The following NLRC5 variants were observed in gnomAD, a reference collection of about 807,000 sequenced individuals.
NLRC5 encodes NLR family CARD domain containing 5, also known as protein NLRC5.
Under a neutral mutation model 206.9 loss-of-function variants are expected in NLRC5, and 114 were observed. The ratio of observed to expected loss-of-function variants is 0.55; its 90% CI spans 0.47 to 0.64. The LOEUF is 0.64. Ranked by LOEUF, NLRC5 falls within the 30% of genes least tolerant of loss-of-function variation. NLRC5 has a pLI of 0.00. For synonymous variants in NLRC5, 952 were observed against 962.8 expected, an observed-to-expected ratio of 0.99 and a Z score of 0.21; for missense variants, 2,008 against 2,305.5, an observed-to-expected ratio of 0.87 and a Z score of 2.64.
intron 8 of NLRC5, among the ~76,000 whole-genome samples, chr16:57,029,431 C>G (rs1016772472): frequency 1.3e-5 from 2 of 152,144 alleles, no homozygotes; most frequent in Non-Finnish European, 2.9e-5. Context: ...TACTCATTGC[C>G]TGGGGGGCCT....
chr16:57,071,070 A>C (rs1486402701), intron 38 of NLRC5, among the ~76,000 whole-genome samples: 1 of 51,506 alleles, frequency 1.9e-5, no homozygotes, highest in Non-Finnish European at 3.8e-5. Context: ...GTTAATGGGG[A>C]AGAGTTGTGA....
At chr16:57,009,004 G>GA (rs774174521) in intron 1 of NLRC5, among the ~76,000 whole-genome samples, 9 of 152,198 alleles carry the variant, frequency 5.9e-5, no homozygotes, top group Non-Finnish European at 1.3e-4. Context: ...AAAATTATAA[G>GA]AAAATAGGCC....
chr16:57,053,232 G>C (rs928082076), intron 24 of NLRC5: 2 of 152,270 alleles, frequency 1.3e-5, no homozygotes, highest in African/African-American at 4.8e-5. Flanking sequence ...TCTCTGAGGA[G>C]GGATGCTGAG....
chr16:57,041,407 G>T lies in NLRC5; in HGVS notation c.2940-78G>T, dbSNP rs2063273052. On this transcript the variant is annotated intron_variant, in intron 17 of 48. Coordinates refer to ENST00000688547, the MANE Select transcript of NLRC5 (RefSeq NM_001384950.1). ...TGCAAGCCTCATTCTCTGCCTCTGT[G>T]TCTGGGGGGTGGGAAAGCGGCTCCT... 2.5e-6 allele frequency: 3 copies of T among 1,217,868 alleles called. No homozygotes were observed. The African/African-American group carries it at 4.5e-5, about 18-fold the overall frequency. The allele number at this position is 1,217,868 out of a possible 1,614,324, so 75.4% of individuals were successfully genotyped here.
At chr16:56,996,501 G>T (rs760788967) in intron 1 of NLRC5, among the ~76,000 whole-genome samples, 5 of 151,934 alleles carry the variant, frequency 3.3e-5, no homozygotes, top group Non-Finnish European at 5.9e-5. Flanking sequence ...GTTTCTTTTC[G>T]ATGATACCTT....
intron 3 of NLRC5, among the ~76,000 whole-genome samples, chr16:57,021,352 TTTTG>T (rs1286804494): frequency 6.6e-6 from 1 of 151,578 alleles, no homozygotes; most frequent in Non-Finnish European, 1.5e-5. Context: ...TCTTGTTGGG[TTTTG>T]TTTGTTTGTT....
intron 23 of NLRC5, among the ~76,000 whole-genome samples, chr16:57,049,475 C>T (rs180854425): frequency 2.6e-5 from 4 of 151,668 alleles, no homozygotes; most frequent in Non-Finnish European, 1.5e-5. Flanking sequence ...CGGTGACTCA[C>T]GCCTATAATC....
At chr16:57,013,528 A>G (rs1205251156) in intron 1 of NLRC5, 3 of 836,628 alleles carry the variant, frequency 3.6e-6, no homozygotes, top group South Asian at 2.7e-5. Context: ...TCATCATTAC[A>G]GTACAATTAA....
intron 27 of NLRC5, among the ~76,000 whole-genome samples, chr16:57,057,086 C>G (rs750860243): frequency 4.6e-5 from 7 of 152,280 alleles, no homozygotes; most frequent in Admixed American, 6.5e-5. Context: ...GGAGGAAAAT[C>G]AGATGTTCCG....
At chr16:57,055,150 C>A in intron 26 of NLRC5, 56 bp downstream of exon 26, 2 of 1,583,988 alleles carry the variant, frequency 1.3e-6, no homozygotes, top group South Asian at 1.1e-5. Flanking sequence ...ACCAGTAGAT[C>A]TGCCTCCTGG....
At chr16:57,069,036 G>A (rs528571610) in intron 36 of NLRC5, among the ~76,000 whole-genome samples, 44 of 152,302 alleles carry the variant, frequency 2.9e-4, no homozygotes, top group South Asian at 2.7e-3. Flanking sequence ...CAGAGTCCTC[G>A]GGCTAGTGAT....
intron 1 of NLRC5, among the ~76,000 whole-genome samples, chr16:57,005,461 C>T (rs2058782388): frequency 6.9e-6 from 1 of 145,918 alleles, no homozygotes. Flanking sequence ...GAATTTGAGA[C>T]TAGCTTGGGC....
intron 39 of NLRC5, among the ~76,000 whole-genome samples, chr16:57,074,906 G>A (rs540546707): frequency 2.3e-4 from 34 of 150,732 alleles, no homozygotes; most frequent in African/African-American, 5.4e-4. Context: ...TTAGGCCCAC[G>A]TCGTAGAACA....
chr16:57,069,690 TG>T, intron 36 of NLRC5, 145 bp from the exon 37 acceptor site: 1 of 679,448 alleles, frequency 1.5e-6, no homozygotes, highest in Non-Finnish European at 2.6e-6. Flanking sequence ...GAGTTCATGG[TG>T]GAAGAGATTT....
chr16:56,990,141 A>C (rs2142036229), intron 1 of NLRC5, among the ~76,000 whole-genome samples: 1 of 152,278 alleles, frequency 6.6e-6, no homozygotes, highest in South Asian at 2.1e-4. Context: ...TTTTCATATA[A>C]TGAAGCCCCA....
intron 39 of NLRC5, among the ~76,000 whole-genome samples, chr16:57,076,501 G>A (rs1217195477): frequency 6.6e-6 from 1 of 152,262 alleles, no homozygotes; most frequent in African/African-American, 2.4e-5. Context: ...CAGAGGCTGA[G>A]GTGAAGCTTG....
chr16:57,039,167 T>C (rs1194415378), intron 15 of NLRC5, among the ~76,000 whole-genome samples: 1 of 152,180 alleles, frequency 6.6e-6, no homozygotes, highest in Admixed American at 6.5e-5. Context: ...AATCCACACA[T>C]ACTTTGAGCA....
intron 1 of NLRC5, among the ~76,000 whole-genome samples, chr16:57,003,382 T>C (rs2058523947): frequency 6.6e-6 from 1 of 152,112 alleles, no homozygotes. Context: ...CCAGGTTCCA[T>C]GTCAGGGATT....
chr16:57,020,272 A>C (rs2060513397), intron 2 of NLRC5, among the ~76,000 whole-genome samples: 1 of 126,438 alleles, frequency 7.9e-6, no homozygotes, highest in African/African-American at 3.1e-5. Context: ...TCTTCCTCCC[A>C]GCTCCCCTGT....
Sources: allele counts gnomAD v4.1 joint callset (sites outside exome capture counted in the v4.1 genomes callset), GRCh38; gene constraint gnomAD v4.1.1; transcripts MANE v1.5; gene names NCBI Gene and HGNC (gene_info 2026-07-23, HGNC 2026-07-21).